Variants in NCBP1 observed in about 807,000 individuals in gnomAD.
NCBP1 encodes the protein nuclear cap-binding protein subunit 1.
NCBP1 carries 16 observed loss-of-function variants against 111.7 expected under a neutral mutation model. That is an observed-to-expected ratio of 0.14 (90% confidence interval 0.10 to 0.22). NCBP1 has a LOEUF of 0.22. NCBP1 is among the 10% of genes least tolerant of loss of function. The pLI is 1.00. For synonymous variants in NCBP1, 304 were observed against 314.3 expected, an observed-to-expected ratio of 0.97 and a Z score of 0.35; for missense variants, 607 against 957.5, an observed-to-expected ratio of 0.63 and a Z score of 4.83.
rs545250654 is a variant in NCBP1 at position 97,651,274 on chromosome 9, C to T, written c.996-36C>T. ...GCTTATTTGACTTTTCTTGTGTCTTCGTATACTTATTAAACTTAAATTACA... is the reference window on the plus strand; with the variant it reads ...GCTTATTTGACTTTTCTTGTGTCTTTGTATACTTATTAAACTTAAATTACA... On this transcript the variant is annotated intron_variant, in intron 9 of 22. Transcript: ENST00000375147. 3.5e-5 allele frequency: 55 copies of T among 1,560,598 alleles called. No homozygotes were observed. In the South Asian group the frequency reaches 4.3e-4, roughly 12 times the overall value.
At chr9:97,671,001 A>G (rs1404062501) in intron 22 of NCBP1, 85 bp from the exon 23 acceptor site, 2 of 799,530 alleles carry the variant, frequency 2.5e-6, no homozygotes, top group Non-Finnish European at 4.1e-6. Flanking sequence ...ATTCTGCAGC[A>G]TGGGTGGGCT....
At chr9:97,645,278 C>G in intron 5 of NCBP1, 54 bp downstream of exon 5, 2 of 1,340,432 alleles carry the variant, frequency 1.5e-6, no homozygotes, top group Admixed American at 1.7e-5. Flanking sequence ...GTTACTGAAT[C>G]CTGGTACTTC....
At chr9:97,670,044 T>A (rs901761894) in intron 22 of NCBP1, 1 of 365,206 alleles carries the variant, frequency 2.7e-6, no homozygotes, top group African/African-American at 2.1e-5. Context: ...TGCCTCAGCC[T>A]CCCATATTGC....
intron 7 of NCBP1, 30 bp downstream of exon 7, chr9:97,647,591 AAC>A (rs774202157): frequency 1.9e-6 from 3 of 1,539,282 alleles, no homozygotes; most frequent in Admixed American, 3.4e-5. Flanking sequence ...TTGTGATACA[AAC>A]ACAGTCAGCT....
At position 97,658,635 on chromosome 9, in the gene NCBP1, T is replaced by C; in HGVS notation, c.1374-5T>C. The C allele has an allele frequency of 6.3e-7, 1 of 1,595,346 alleles. No homozygotes were observed. The highest frequency in any genetic ancestry group is 8.6e-7 in the Non-Finnish European group (1 of 1,163,482). ...TATTTTCTGAGGCTGTTATTTGTAT[T>C]GTAGGTTGTCTTACCATCAGCGTAT... is the stretch of plus-strand genomic sequence containing the variant. On this transcript the variant is annotated splice_region_variant and splice_polypyrimidine_tract_variant and intron_variant, in intron 14 of 22. Transcript: ENST00000375147.
At chr9:97,658,860 G>T in intron 15 of NCBP1, 117 bp downstream of exon 15, 1 of 757,712 alleles carries the variant, frequency 1.3e-6, no homozygotes, top group Non-Finnish European at 2.2e-6. Flanking sequence ...TATATTTCCT[G>T]TATTTGAAAG....
rs763478244 is a variant in NCBP1, at chr9:97,651,393, C to T, written c.1059+20C>T. On this transcript the variant is annotated intron_variant, in intron 10 of 22. Coordinates refer to ENST00000375147, the MANE Select transcript of NCBP1 (RefSeq NM_002486.5). ...GTTGAGGTATGAATTCCATGTGGAGCGTGTTTCTGAGTTTCAGAATCTTTC... is the reference window on the plus strand; with the variant it reads ...GTTGAGGTATGAATTCCATGTGGAGTGTGTTTCTGAGTTTCAGAATCTTTC... The T allele has an allele frequency of 4.4e-6, 7 of 1,606,298 alleles. No homozygotes were observed. The East Asian group carries it at 6.7e-5, about 15-fold the overall frequency.
chr9:97,669,484 C>G, intron 21 of NCBP1, 109 bp from the exon 22 acceptor site: 2 of 707,620 alleles, frequency 2.8e-6, no homozygotes, highest in Non-Finnish European at 4.9e-6. Context: ...ACACACACCA[C>G]AAAGACAGGG....
At chr9:97,662,241 G>A in intron 17 of NCBP1, 97 bp downstream of exon 17, 2 of 873,466 alleles carry the variant, frequency 2.3e-6, no homozygotes, top group Non-Finnish European at 3.7e-6. Flanking sequence ...TGAATATGAA[G>A]ATCTTAATAG....
chr9:97,666,811 A>G lies in NCBP1; in HGVS notation c.1950A>G (p.Lys650=), dbSNP rs376876212. The G allele has an allele frequency of 8.6e-5, 139 of 1,610,748 alleles. No individual in the cohort carries two copies. Among genetic ancestry groups the G allele is most frequent in the Non-Finnish European group, 2.7e-5 (32 of 1,179,002 alleles). The change falls in exon 20 of 23, where the codon AAA becomes AAG. Residue 650 remains lysine (K), a synonymous_variant. Transcript: ENST00000375147. ...ACTCTACAATTCGTAAGATGAACAA[A>G]CATGTCCTGAAGATCCAGAAAGAGC... is the stretch of plus-strand genomic sequence containing the variant. The part of the protein sequence containing the change: ...ILHSTIRKMN[K]HVLKIQKELE...
At chr9:97,650,057 G>A (rs1827457546) in intron 8 of NCBP1, among the ~76,000 whole-genome samples, 1 of 152,090 alleles carries the variant, frequency 6.6e-6, no homozygotes, top group Non-Finnish European at 1.5e-5. Context: ...ATGCCATGTA[G>A]GGAATATGTT....
In NCBP1 at chr9:97,671,155, C is replaced by A; in HGVS notation, c.2329C>A (p.His777Asn). The A allele has an allele frequency of 6.2e-7, 1 of 1,613,764 alleles. No homozygotes were observed. The highest frequency in any genetic ancestry group is 8.5e-7 in the Non-Finnish European group (1 of 1,179,636). ...NLLFTAELDP[H>N]ILAVFQQFCA... Reference sequence around the variant, plus strand: ...TCTCTTCACTGCTGAATTAGACCCTCATATCTTGGCCGTGTTCCAGCAGTT... The same window carrying A: ...TCTCTTCACTGCTGAATTAGACCCTAATATCTTGGCCGTGTTCCAGCAGTT... Residue 777 changes from histidine (H) to asparagine (N), a missense_variant, in exon 23 of 23, where the codon CAT (histidine) becomes AAT (asparagine). Around this residue, in one of 9 missense-constraint regions of NCBP1, gnomAD observed 18 missense variants for 18.7 expected, o/e 0.96. Coordinates refer to ENST00000375147, the MANE Select transcript of NCBP1 (RefSeq NM_002486.5).
intron 10 of NCBP1, among the ~76,000 whole-genome samples, chr9:97,652,253 T>G (rs936249197): frequency 6.6e-6 from 1 of 152,210 alleles, no homozygotes; most frequent in Non-Finnish European, 1.5e-5. Flanking sequence ...CTGCCTGCCT[T>G]GGGCTCCCAA....
chr9:97,647,530 G>T lies in NCBP1; in HGVS notation c.650G>T (p.Trp217Leu), dbSNP rs748737361. Residue 217 changes from tryptophan (W) to leucine (L), a missense_variant, in exon 7 of 23, where the codon TGG becomes TTG. Transcript: ENST00000375147. ...QKTHVPMLQV[W>L]TADKPHPQEE... The stretch of plus-strand genomic sequence containing the variant: ...ACTCATGTACCCATGTTACAGGTAT[G>T]GACTGCTGATAAACCACATCCACAA... The T allele has an allele frequency of 1.2e-6, 2 of 1,613,162 alleles. No individual in the cohort carries two copies. The highest frequency in any genetic ancestry group is 2.2e-5 in the South Asian group (2 of 91,046).
intron 21 of NCBP1, 59 bp downstream of exon 21, chr9:97,669,033 T>C: frequency 2.0e-6 from 3 of 1,484,834 alleles, no homozygotes; most frequent in South Asian, 1.3e-5. Flanking sequence ...TTAGTTTTAG[T>C]TTTTAAAAAT....
At chr9:97,666,493 G>T (rs1056134582) in intron 19 of NCBP1, among the ~76,000 whole-genome samples, 1 of 152,164 alleles carries the variant, frequency 6.6e-6, no homozygotes, top group Non-Finnish European at 1.5e-5. Flanking sequence ...CAGTAAGTAT[G>T]TACCTCTGGT....
intron 13 of NCBP1, 71 bp downstream of exon 13, chr9:97,655,835 GTGTC>G (rs974290486): frequency 2.1e-6 from 3 of 1,446,422 alleles, no homozygotes; most frequent in Non-Finnish European, 2.9e-6. Context: ...TAACATAAAA[GTGTC>G]TGAAATATTT....
At chr9:97,645,542 A>C in intron 5 of NCBP1, 69 bp from the exon 6 acceptor site, 1 of 1,479,134 alleles carries the variant, frequency 6.8e-7, no homozygotes, top group East Asian at 2.5e-5. Context: ...ATTTCATTCA[A>C]GAATAAATAA....
At chr9:97,663,856 G>A (rs1346240433) in intron 18 of NCBP1, among the ~76,000 whole-genome samples, 2 of 151,770 alleles carry the variant, frequency 1.3e-5, no homozygotes, top group Non-Finnish European at 2.9e-5. Context: ...TAGTGCTAGA[G>A]CAAAGCAAAG....
Sources: gnomAD v4.1 joint callset for allele counts (sites outside exome capture counted in the v4.1 genomes callset) on GRCh38, gnomAD v4.1.1 for gene constraint, gnomAD v4.1.1 regional missense constraint, MANE v1.5 for transcripts, NCBI Gene and HGNC (gene_info 2026-07-23, HGNC 2026-07-21) for gene names.